PTPRD: variants seen among roughly 807,000 people sequenced by gnomAD.
PTPRD encodes protein tyrosine phosphatase receptor type D.
PTPRD carries 34 observed loss-of-function variants against 214.5 expected under a neutral mutation model. The observed-to-expected ratio is 0.16, with a 90% CI of 0.12 to 0.21. The LOEUF (loss-of-function observed/expected upper bound fraction) is 0.21. Ranked by LOEUF, PTPRD falls within the 10% of genes least tolerant of loss-of-function variation. The pLI is 1.00. For missense variants in PTPRD, 2,545 were observed against 2,398.7 expected, an observed-to-expected ratio of 1.06 and a Z score of -1.27; for synonymous variants, 1,128 against 845.7, an observed-to-expected ratio of 1.33 and a Z score of -5.79.
At chr9:9,953,725 C>A (rs947809595) in intron 4 of PTPRD, among the ~76,000 whole-genome samples, 1 of 152,078 alleles carries the variant, frequency 6.6e-6, no homozygotes, top group East Asian at 1.9e-4. Context: ...CTGAAGCAAC[C>A]GGTTTTAAAC....
intron 30 of PTPRD, among the ~76,000 whole-genome samples, chr9:8,482,392 T>A (rs10117964): frequency 6.6e-6 from 1 of 151,984 alleles, no homozygotes; most frequent in South Asian, 2.1e-4. Context: ...GAGTCAACTA[T>A]GTGACCACCT....
intron 5 of PTPRD, among the ~76,000 whole-genome samples, chr9:9,866,616 A>G (rs938133061): frequency 6.6e-6 from 1 of 152,176 alleles, no homozygotes; most frequent in Non-Finnish European, 1.5e-5. Flanking sequence ...AGTGAAAAGT[A>G]GAAGGAGAAT....
intron 33 of PTPRD, among the ~76,000 whole-genome samples, chr9:8,451,029 G>C (rs750394075): frequency 6.6e-6 from 1 of 152,032 alleles, no homozygotes; most frequent in African/African-American, 2.4e-5. Context: ...TGTGGCAATG[G>C]GGTCTCATTC....
At chr9:9,178,680 T>C (rs1421214922) in intron 10 of PTPRD, among the ~76,000 whole-genome samples, 1 of 152,126 alleles carries the variant, frequency 6.6e-6, no homozygotes, top group Non-Finnish European at 1.5e-5. Context: ...ATACAAGTCA[T>C]TACATTTTAC....
intron 3 of PTPRD, among the ~76,000 whole-genome samples, chr9:10,148,146 T>G (rs4741012): frequency 0.054 from 8,149 of 152,236 alleles, 312 homozygotes; most frequent in Admixed American, 0.11. Context: ...CTATACAGTG[T>G]GACAAACAAG....
chr9:8,986,269 C>T (rs1201963523), intron 11 of PTPRD, among the ~76,000 whole-genome samples: 1 of 151,970 alleles, frequency 6.6e-6, no homozygotes, highest in Non-Finnish European at 1.5e-5. Context: ...GGTTCATATC[C>T]ACACTTTGAC....
At chr9:10,583,590 A>G (rs1033655406) in intron 2 of PTPRD, among the ~76,000 whole-genome samples, 3 of 151,644 alleles carry the variant, frequency 2.0e-5, no homozygotes, top group African/African-American at 7.3e-5. Flanking sequence ...TAGCTGGGAT[A>G]CAGCAAGCCT....
At chr9:9,832,461 T>A (rs2055203831) in intron 5 of PTPRD, among the ~76,000 whole-genome samples, 1 of 152,026 alleles carries the variant, frequency 6.6e-6, no homozygotes, top group South Asian at 2.1e-4. Context: ...TACTGTTCCA[T>A]GTTAACAGAA....
intron 14 of PTPRD, among the ~76,000 whole-genome samples, chr9:8,564,631 C>T (rs187388596): frequency 6.2e-4 from 94 of 152,164 alleles, no homozygotes; most frequent in African/African-American, 1.9e-3. Flanking sequence ...ACTTAGGAGG[C>T]GGAAGTTGTA....
intron 8 of PTPRD, among the ~76,000 whole-genome samples, chr9:9,402,533 A>G (rs1454298461): frequency 1.3e-5 from 2 of 152,092 alleles, no homozygotes; most frequent in East Asian, 3.9e-4. Flanking sequence ...ATTTATAAAT[A>G]TAAAATCCTG....
intron 6 of PTPRD, among the ~76,000 whole-genome samples, chr9:9,747,906 CA>C (rs1041205562): frequency 3.9e-4 from 60 of 152,186 alleles, no homozygotes; most frequent in African/African-American, 1.4e-3. Flanking sequence ...CGGAATGTTT[CA>C]AAAACACTCT....
chr9:9,667,395 C>T lies in PTPRD; in HGVS notation c.-287+67138G>A, dbSNP rs147900734. On this transcript the variant is annotated intron_variant, in intron 7 of 45. Transcript: ENST00000381196. ...TGCTCAACTACTGAATAGGCCTATGCGTATTGTGATCACAGCCAGCAAAAC... is the reference window on the plus strand; with the variant it reads ...TGCTCAACTACTGAATAGGCCTATGTGTATTGTGATCACAGCCAGCAAAAC... Among the ~76,000 whole-genome samples the T allele has an allele frequency of 2.8e-3, 419 of 152,116 alleles. 2 individuals are homozygous for T. Among genetic ancestry groups the T allele is most frequent in the African/African-American group, 9.2e-3 (381 of 41,512 alleles).
At chr9:8,757,647 CATATATACATAT>C (rs1464929389) in intron 11 of PTPRD, among the ~76,000 whole-genome samples, 3 of 138,954 alleles carry the variant, frequency 2.2e-5, no homozygotes, top group South Asian at 2.2e-4. Context: ...TATATACATA[CATATATACATAT>C]ATATATACAT....
intron 11 of PTPRD, among the ~76,000 whole-genome samples, chr9:8,994,501 G>A (rs755614029): frequency 6.6e-6 from 1 of 152,002 alleles, no homozygotes; most frequent in African/African-American, 2.4e-5. Flanking sequence ...AAATAAAAGA[G>A]GGAAACAAAG....
chr9:8,926,719 T>C (rs952243882), intron 11 of PTPRD, among the ~76,000 whole-genome samples: 7 of 152,226 alleles, frequency 4.6e-5, no homozygotes, highest in African/African-American at 1.7e-4. Context: ...TAAATATTTT[T>C]ATGTATATAA....
At position 8,465,468 on chromosome 9, in the gene PTPRD, A is replaced by G; in HGVS notation, c.3712T>C (p.Ser1238Pro). 1.2e-6 allele frequency: 2 copies of G among 1,611,394 alleles called. No homozygotes were observed. The highest frequency in any genetic ancestry group is 1.7e-6 in the Non-Finnish European group (2 of 1,178,228). The change falls in exon 32 of 46, where the codon TCT becomes CCT. Residue 1238 changes from serine (S) to proline (P), a missense_variant and splice_region_variant. By Grantham distance (74) the Ser-to-Pro change is moderately conservative. Coordinates refer to ENST00000381196, the MANE Select transcript of PTPRD (RefSeq NM_002839.4). Reference sequence around the variant, plus strand: ...AGATGCCATCATAATTAACTTACAGACTCTGCATGTTCCATTACTGCTAAC... The same window carrying G: ...AGATGCCATCATAATTAACTTACAGGCTCTGCATGTTCCATTACTGCTAAC... ...FVLAVMEHAE[S>P]KMYATSPYSD...
At chr9:10,333,464 G>A (rs1324119658) in intron 3 of PTPRD, among the ~76,000 whole-genome samples, 3 of 151,736 alleles carry the variant, frequency 2.0e-5, no homozygotes. Context: ...TGATACAATT[G>A]TTTCTGAAAA....
At chr9:9,443,956 A>G (rs563852257) in intron 8 of PTPRD, among the ~76,000 whole-genome samples, 55 of 152,348 alleles carry the variant, frequency 3.6e-4, no homozygotes, top group African/African-American at 1.3e-3. Context: ...TTTTTTGTCT[A>G]CTATACATAA....
At chr9:10,465,527 G>A (rs1437665473) in intron 2 of PTPRD, among the ~76,000 whole-genome samples, 2 of 152,104 alleles carry the variant, frequency 1.3e-5, no homozygotes, top group African/African-American at 2.4e-5. Flanking sequence ...TTATACAACG[G>A]TGGTCTCATA....
Sources: gnomAD v4.1 joint callset for allele counts (sites outside exome capture counted in the v4.1 genomes callset) on GRCh38, gnomAD v4.1.1 for gene constraint, MANE v1.5 for transcripts, NCBI Gene and HGNC (gene_info 2026-07-23, HGNC 2026-07-21) for gene names.